The following GNA11 variants were observed in gnomAD, a reference collection of about 807,000 sequenced individuals.
The protein encoded by GNA11 is guanine nucleotide-binding protein subunit alpha-11.
GNA11 carries 8 observed loss-of-function variants against 38.2 expected under a neutral mutation model. The ratio of observed to expected loss-of-function variants is 0.21; its 90% CI spans 0.12 to 0.38. The LOEUF is 0.38. Among genes scored for constraint, GNA11 ranks in the 10% least tolerant of loss-of-function variants. The pLI, the probability that GNA11 is intolerant of heterozygous loss-of-function variation, is 1.00. For missense variants in GNA11, 268 were observed against 516.3 expected (o/e 0.52, Z 4.66); for synonymous variants, 211 against 221.4 (o/e 0.95, Z 0.42).
chr19:3,119,225 A>T lies in GNA11; in HGVS notation c.755A>T (p.Lys252Ile). 1 of 1,613,894 alleles carries T rather than the reference A, an allele frequency of 6.2e-7. No homozygotes were observed. Among genetic ancestry groups the T allele is most frequent in the Non-Finnish European group, 8.5e-7 (1 of 1,179,960 alleles). ...SDNENRMEESKALFRTIITYP... is the reference protein window; with the variant it reads ...SDNENRMEESIALFRTIITYP... ...CGCCAGAACCGGATGGAGGAGAGCAAAGCCCTGTTCCGGACCATCATCACC... is the reference window on the plus strand; with the variant it reads ...CGCCAGAACCGGATGGAGGAGAGCATAGCCCTGTTCCGGACCATCATCACC... Residue 252 changes from lysine (K) to isoleucine (I), a missense_variant, in exon 6 of 7, where the codon AAA (lysine) becomes ATA (isoleucine). Coordinates refer to ENST00000078429, the MANE Select transcript of GNA11 (RefSeq NM_002067.5). This position sits in a 1 kb window ranked among gnomAD's most constrained non-coding sequence, Gnocchi z 4.6.
chr19:3,119,634 C>T lies in GNA11; in HGVS notation c.889+275C>T, dbSNP rs941187016. Among the ~76,000 whole-genome samples, 3 of 144,326 alleles carry T rather than the reference C, an allele frequency of 2.1e-5. No individual in the cohort carries two copies. The highest frequency in any genetic ancestry group is 7.8e-5 in the African/African-American group (3 of 38,448). 94.7% of individuals were successfully genotyped at this position (144,326 alleles called of 152,430 possible). On this transcript the variant is annotated intron_variant, in intron 6 of 6. Transcript: ENST00000078429. The surrounding 1 kb of genome is among the most constrained non-coding windows in gnomAD (Gnocchi z 4.6). Reference sequence around the variant, plus strand: ...AGGAGGGGTCTCGGGTGGGAGGGGTCTCGGGCAGGGGGATCTCGGGTGGGA... The same window carrying T: ...AGGAGGGGTCTCGGGTGGGAGGGGTTTCGGGCAGGGGGATCTCGGGTGGGA...
intron 1 of GNA11, among the ~76,000 whole-genome samples, chr19:3,103,822 C>G (rs1278914372): frequency 2.0e-5 from 3 of 151,892 alleles, no homozygotes; most frequent in African/African-American, 4.8e-5. Context: ...CCTGCCTCAG[C>G]TTTCAGGCGC....
rs755279234 is a variant in GNA11, at chr19:3,094,629, C to T, written c.-23C>T. On this transcript the variant is annotated 5_prime_UTR_variant, in exon 1 of 7. Transcript: ENST00000078429. The surrounding 1 kb of genome is among the most constrained non-coding windows in gnomAD (Gnocchi z 6.0). ...CCGGGGGGCGGCGGCGGGCAGGCGGCCGCGTCGGCCGGGGCCGGGACGATG... is the reference window on the plus strand; with the variant it reads ...CCGGGGGGCGGCGGCGGGCAGGCGGTCGCGTCGGCCGGGGCCGGGACGATG... 3.3e-6 allele frequency: 4 copies of T among 1,198,660 alleles called. No homozygotes were observed. The highest frequency in any genetic ancestry group is 4.2e-6 in the Non-Finnish European group (4 of 948,298). 74.3% of individuals were successfully genotyped at this position (1,198,660 alleles called of 1,614,324 possible).
intron 4 of GNA11, chr19:3,118,249 G>C (rs1913973336): frequency 6.6e-6 from 1 of 152,104 alleles, no homozygotes; most frequent in Non-Finnish European, 1.5e-5. Context: ...GCCTTTTCTC[G>C]TTATAGAAAA....
intron 1 of GNA11, among the ~76,000 whole-genome samples, chr19:3,098,947 G>A (rs1913436519): frequency 6.6e-6 from 1 of 152,212 alleles, no homozygotes; most frequent in Non-Finnish European, 1.5e-5. Flanking sequence ...CTTTTCCCGG[G>A]CATGGTCCGG....
rs1352666663 is a variant in GNA11 at position 3,118,924 on chromosome 19, G to A, written c.606G>A (p.Arg202=). The A allele has an allele frequency of 6.2e-7, 1 of 1,613,904 alleles. No individual in the cohort carries two copies. The highest frequency in any genetic ancestry group is 2.2e-5 in the East Asian group (1 of 44,882). ...YPFDLENIIF[R]MVDVGGQRSE... is the part of the protein sequence containing the mutation. Reference sequence around the variant, plus strand: ...GAGTCCTGGCGCTGTGTCCTTTCAGGATGGTGGATGTGGGGGGCCAGCGGT... The same window carrying A: ...GAGTCCTGGCGCTGTGTCCTTTCAGAATGGTGGATGTGGGGGGCCAGCGGT... The change falls in exon 5 of 7, where the codon CGG becomes CGA. Residue 202 remains arginine, a splice_region_variant and synonymous_variant. Transcript: ENST00000078429.
At chr19:3,100,683 T>C (rs1484524413) in intron 1 of GNA11, among the ~76,000 whole-genome samples, 2 of 152,058 alleles carry the variant, frequency 1.3e-5, no homozygotes, top group Non-Finnish European at 2.9e-5. Flanking sequence ...TCTTTCTGAG[T>C]CCTGCCTGTG....
Position 3,120,931 on chromosome 19 carries a change from A to G in GNA11, c.890-58A>G, listed in dbSNP as rs1914055816. On this transcript the variant is annotated intron_variant, in intron 6 of 6. Transcript: ENST00000078429. The surrounding 1 kb of genome is among the most constrained non-coding windows in gnomAD (Gnocchi z 5.9). Reference sequence around the variant, plus strand: ...TCCCCTGGGAGTGACAAAGGGGCCCACGAGTCCCTTGCCCTGGGCCGGGCT... The same window carrying G: ...TCCCCTGGGAGTGACAAAGGGGCCCGCGAGTCCCTTGCCCTGGGCCGGGCT... The G allele has an allele frequency of 2.2e-6, 3 of 1,342,122 alleles. No homozygotes were observed. Among genetic ancestry groups the G allele is most frequent in the Non-Finnish European group, 3.1e-6 (3 of 954,536 alleles). 83.1% of individuals were successfully genotyped at this position (1,342,122 alleles called of 1,614,324 possible). A position where few individuals can be genotyped will look rare whatever the true frequency, so the allele number is the denominator to read the frequency against.
chr19:3,115,383 C>T (rs567058111), intron 4 of GNA11: 9 of 294,356 alleles, frequency 3.1e-5, no homozygotes, highest in South Asian at 5.6e-5. Context: ...CCAGCCTGGG[C>T]GACAGAGGGA....
rs1356330122 is a variant in GNA11 at position 3,110,243 on chromosome 19, G to A, written c.231G>A (p.Lys77=). Residue 77 remains lysine (K), a synonymous_variant, in exon 2 of 7, where the codon AAG becomes AAA. Transcript: ENST00000078429. The surrounding 1 kb of genome is among the most constrained non-coding windows in gnomAD (Gnocchi z 5.4). ...AGGAGGACAAGCGCGGCTTCACCAA[G>A]CTCGTCTACCAGAACATCTTCACCG... The part of the protein sequence containing the change: ...YSEEDKRGFT[K]LVYQNIFTAM... 1 of 1,614,004 alleles carries A rather than the reference G, an allele frequency of 6.2e-7. No homozygotes were observed. The highest frequency in any genetic ancestry group is 2.2e-5 in the East Asian group (1 of 44,866).
intron 1 of GNA11, among the ~76,000 whole-genome samples, chr19:3,104,167 G>A (rs922585652): frequency 1.3e-5 from 2 of 152,280 alleles, no homozygotes; most frequent in African/African-American, 4.8e-5. Context: ...TGTCAGGGCT[G>A]CGCCCTCTTG....
At chr19:3,101,178 G>T (rs1054964733) in intron 1 of GNA11, among the ~76,000 whole-genome samples, 1 of 152,212 alleles carries the variant, frequency 6.6e-6, no homozygotes, top group Non-Finnish European at 1.5e-5. Flanking sequence ...GGGCTGAAGG[G>T]TGTGGTCAAA....
At chr19:3,095,229 C>G (rs140742494) in intron 1 of GNA11, among the ~76,000 whole-genome samples, 2 of 152,140 alleles carry the variant, frequency 1.3e-5, no homozygotes, top group African/African-American at 2.4e-5. Context: ...ATCAGGCCCC[C>G]GATCACTCCT....
chr19:3,102,911 C>T (rs1913540282), intron 1 of GNA11, among the ~76,000 whole-genome samples: 1 of 152,252 alleles, frequency 6.6e-6, no homozygotes, highest in Admixed American at 6.5e-5. Context: ...CTGCCACCAC[C>T]CGCCTTCTCA....
At chr19:3,113,509 G>C in intron 3 of GNA11, 25 bp downstream of exon 3, 1 of 1,528,490 alleles carries the variant, frequency 6.5e-7, no homozygotes, top group Non-Finnish European at 8.8e-7. Context: ...ACCGCTGGCG[G>C]CCTGGGGACG....
intron 1 of GNA11, among the ~76,000 whole-genome samples, chr19:3,105,525 G>C (rs1474149853): frequency 6.6e-6 from 1 of 152,102 alleles, no homozygotes; most frequent in Non-Finnish European, 1.5e-5. Context: ...CATGCGGACG[G>C]GATCCCTCCT....
chr19:3,094,896 C>A lies in GNA11; in HGVS notation c.136+109C>A. Reference sequence around the variant, plus strand: ...CCGGGGTCAGCCCTGCCTGTGCCGTCCGGGTCGCGAGACCCTCCGGGGTCA... The same window carrying A: ...CCGGGGTCAGCCCTGCCTGTGCCGTACGGGTCGCGAGACCCTCCGGGGTCA... On this transcript the variant is annotated intron_variant, in intron 1 of 6. Transcript: ENST00000078429. The surrounding 1 kb of genome is among the most constrained non-coding windows in gnomAD (Gnocchi z 6.0). 1 of 804,366 alleles carries A rather than the reference C, an allele frequency of 1.2e-6. No individual in the cohort carries two copies. The highest frequency in any genetic ancestry group is 1.8e-6 in the Non-Finnish European group (1 of 567,536). 49.8% of individuals were successfully genotyped at this position (804,366 alleles called of 1,614,324 possible). A position where few individuals can be genotyped will look rare whatever the true frequency, so the allele number is the denominator to read the frequency against.
At chr19:3,113,236 G>C (rs1599303734) in intron 2 of GNA11, 94 bp from the exon 3 acceptor site, 1 of 1,241,440 alleles carries the variant, frequency 8.1e-7, no homozygotes, top group Non-Finnish European at 1.2e-6. Context: ...TGCCGCCCGG[G>C]CCAGCCGAGG....
At chr19:3,112,844 G>A (rs1913808724) in intron 2 of GNA11, among the ~76,000 whole-genome samples, 1 of 152,286 alleles carries the variant, frequency 6.6e-6, no homozygotes, top group Non-Finnish European at 1.5e-5. Context: ...GCTGCACACT[G>A]CAGGCGATGC....
Sources: gnomAD v4.1 joint callset for allele counts (sites outside exome capture counted in the v4.1 genomes callset) on GRCh38, gnomAD v4.1.1 for gene constraint, Gnocchi (gnomAD v3.1) non-coding constraint, MANE v1.5 for transcripts, NCBI Gene and HGNC (gene_info 2026-07-23, HGNC 2026-07-21) for gene names.